SLC66A3: variants seen among roughly 807,000 people sequenced by gnomAD.
The protein encoded by SLC66A3 is PQ loop repeat containing 3.
In SLC66A3, 23 loss-of-function variants were observed where a neutral mutation model predicts 25.5. The ratio of observed to expected loss-of-function variants is 0.90; its 90% confidence interval spans 0.65 to 1.28. The LOEUF (loss-of-function observed/expected upper bound fraction) is 1.28, where lower values mean the gene tolerates loss of function less well. Ranked by LOEUF, SLC66A3 falls within the 50% of genes most tolerant of loss-of-function variation. The pLI, the probability that SLC66A3 is intolerant of heterozygous loss-of-function variation, is 0.00. For synonymous variants in SLC66A3, 108 were observed against 112.6 expected, an observed-to-expected ratio of 0.96 and a Z score of 0.26; for missense variants, 246 against 262.1, an observed-to-expected ratio of 0.94 and a Z score of 0.42.
intron 4 of SLC66A3, among the ~76,000 whole-genome samples, chr2:11,167,201 T>C (rs2147994027): frequency 6.6e-6 from 1 of 152,258 alleles, no homozygotes; most frequent in South Asian, 2.1e-4. Flanking sequence ...TCCCAGAGCT[T>C]TGGGAGGCCG....
intron 3 of SLC66A3, 107 bp downstream of exon 3, chr2:11,160,801 TAAAAAAAAA>T: frequency 1.6e-6 from 2 of 1,225,292 alleles, no homozygotes; most frequent in Non-Finnish European, 2.2e-6. Flanking sequence ...TTGGTTAAAC[TAAAAAAAAA>T]AAAAAAAAAA....
intron 3 of SLC66A3, chr2:11,160,960 C>T (rs1161948499): frequency 1.7e-6 from 1 of 575,500 alleles, no homozygotes; most frequent in African/African-American, 1.9e-5. Flanking sequence ...CTGCTAAGAG[C>T]AGCATCGTCC....
intron 4 of SLC66A3, among the ~76,000 whole-genome samples, chr2:11,165,664 C>T (rs1438914768): frequency 5.3e-5 from 8 of 152,178 alleles, no homozygotes; most frequent in African/African-American, 1.4e-4. Context: ...CCAAGGCAGG[C>T]GGCTGGGAGG....
intron 1 of SLC66A3, among the ~76,000 whole-genome samples, chr2:11,158,476 C>A (rs1288221005): frequency 6.6e-6 from 1 of 152,240 alleles, no homozygotes; most frequent in Non-Finnish European, 1.5e-5. Context: ...TCCTGGCTAA[C>A]ACGGTGAAAC....
At chr2:11,168,496 G>A (rs1023995224) in intron 4 of SLC66A3, among the ~76,000 whole-genome samples, 1 of 152,134 alleles carries the variant, frequency 6.6e-6, no homozygotes, top group Non-Finnish European at 1.5e-5. Flanking sequence ...TATCTAGCAG[G>A]CAAGCTTGTG....
intron 4 of SLC66A3, among the ~76,000 whole-genome samples, chr2:11,167,211 G>A (rs1447028990): frequency 6.6e-6 from 1 of 152,186 alleles, no homozygotes; most frequent in African/African-American, 2.4e-5. Context: ...TTGGGAGGCC[G>A]AGGCGTGCAG....
chr2:11,165,837 A>G (rs1662319892), intron 4 of SLC66A3, among the ~76,000 whole-genome samples: 1 of 144,550 alleles, frequency 6.9e-6, no homozygotes, highest in South Asian at 2.2e-4. Flanking sequence ...AACACAGCGA[A>G]ACCCTGTCTC....
At chr2:11,159,291 G>A (rs972295209) in intron 1 of SLC66A3, among the ~76,000 whole-genome samples, 1 of 152,202 alleles carries the variant, frequency 6.6e-6, no homozygotes, top group African/African-American at 2.4e-5. Flanking sequence ...AACAGAGGGG[G>A]CTGCTCAGGA....
chr2:11,155,838 T>G, intron 1 of SLC66A3, 149 bp downstream of exon 1: 1 of 681,704 alleles, frequency 1.5e-6, no homozygotes. Context: ...CTAGGGAGCC[T>G]AGGGGCTCGG....
intron 1 of SLC66A3, among the ~76,000 whole-genome samples, chr2:11,157,387 A>T (rs1661944784): frequency 1.3e-5 from 2 of 152,242 alleles, no homozygotes; most frequent in Admixed American, 1.3e-4. Flanking sequence ...GCAGCCTCCA[A>T]GCCAGGGCCA....
Position 11,155,702 on chromosome 2 carries a change from G to A in SLC66A3, c.143+13G>A. ...TGGAGCTGGCAGGGTAAGGCCCGGG[G>A]CGGCCGGGGCTGCCTCCTGCCCCCT... is the stretch of plus-strand genomic sequence containing the variant. On this transcript the variant is annotated intron_variant, in intron 1 of 6. Coordinates refer to ENST00000295083, the MANE Select transcript of SLC66A3 (RefSeq NM_152391.5). 7.2e-7 allele frequency: 1 copy of A among 1,390,852 alleles called. No individual in the cohort carries two copies. The highest frequency in any genetic ancestry group is 1.5e-5 in the African/African-American group (1 of 67,210). 86.2% of individuals were successfully genotyped at this position (1,390,852 alleles called of 1,614,324 possible). A position where few individuals can be genotyped will look rare whatever the true frequency, so the allele number is the denominator to read the frequency against.
intron 4 of SLC66A3, among the ~76,000 whole-genome samples, chr2:11,166,104 C>G (rs1662333815): frequency 6.6e-6 from 1 of 152,128 alleles, no homozygotes; most frequent in African/African-American, 2.4e-5. Flanking sequence ...GAACTCCTGA[C>G]CTCAGATGAT....
chr2:11,176,405 G>C (rs1662744716), intron 6 of SLC66A3, among the ~76,000 whole-genome samples: 1 of 151,976 alleles, frequency 6.6e-6, no homozygotes, highest in African/African-American at 2.4e-5. Flanking sequence ...TAGTAGAGAT[G>C]GGGTTTCACC....
At chr2:11,174,385 A>C (rs988519854) in intron 5 of SLC66A3, among the ~76,000 whole-genome samples, 1 of 152,228 alleles carries the variant, frequency 6.6e-6, no homozygotes, top group African/African-American at 2.4e-5. Context: ...AAGGGAGCTC[A>C]GTCTCTCCGG....
At chr2:11,165,577 G>A (rs543573581) in intron 4 of SLC66A3, among the ~76,000 whole-genome samples, 315 of 151,800 alleles carry the variant, frequency 2.1e-3, no homozygotes, top group South Asian at 4.8e-3. Context: ...GACGATGGGC[G>A]GCCAGGCAGA....
chr2:11,167,670 C>T (rs142304806), intron 4 of SLC66A3, among the ~76,000 whole-genome samples: 2 of 152,166 alleles, frequency 1.3e-5, no homozygotes, highest in Non-Finnish European at 2.9e-5. Flanking sequence ...AATGAGTGTT[C>T]CTCACGCACC....
At chr2:11,168,679 A>G (rs1376100689) in intron 4 of SLC66A3, among the ~76,000 whole-genome samples, 1 of 151,912 alleles carries the variant, frequency 6.6e-6, no homozygotes, top group Non-Finnish European at 1.5e-5. Context: ...TGCTCTGTCC[A>G]GGTCTCCTGA....
At chr2:11,162,796 C>T (rs551715522) in intron 3 of SLC66A3, among the ~76,000 whole-genome samples, 53 of 152,070 alleles carry the variant, frequency 3.5e-4, no homozygotes, top group African/African-American at 1.1e-3. Flanking sequence ...TTAGCAGAGA[C>T]GGGGTTTCAC....
chr2:11,158,069 G>C (rs755151314), intron 1 of SLC66A3, among the ~76,000 whole-genome samples: 7 of 152,208 alleles, frequency 4.6e-5, no homozygotes, highest in African/African-American at 1.7e-4. Flanking sequence ...CAGCCTGGGT[G>C]GGGGTACGTT....
Sources: gnomAD v4.1 joint callset for allele counts (sites outside exome capture counted in the v4.1 genomes callset) on GRCh38, gnomAD v4.1.1 for gene constraint, MANE v1.5 for transcripts, NCBI Gene and HGNC (gene_info 2026-07-23, HGNC 2026-07-21) for gene names.